NHSL2: variants seen among roughly 807,000 people sequenced by gnomAD.
NHSL2 encodes NHS like 2, also known as NHS-like protein 2.
Under a neutral mutation model 53.4 loss-of-function variants are expected in NHSL2, and 27 were observed. The observed-to-expected ratio is 0.51, with a 90% CI of 0.37 to 0.70. NHSL2 has a LOEUF of 0.70. NHSL2 is among the 30% of genes least tolerant of loss of function. NHSL2 has a pLI of 0.00. For synonymous variants in NHSL2, 408 were observed against 404.1 expected, an observed-to-expected ratio of 1.01 and a Z score of -0.12; for missense variants, 892 against 980.1, an observed-to-expected ratio of 0.91 and a Z score of 1.20.
At chrX:71,959,336 G>A (rs907911011) in intron 1 of NHSL2, among the ~76,000 whole-genome samples, 1 of 111,964 alleles carries the variant, frequency 8.9e-6, no homozygotes, top group Non-Finnish European at 1.9e-5. Flanking sequence ...CAAATTTATC[G>A]TATGAATATT....
chrX:72,029,597 C>A (rs2042204008), intron 1 of NHSL2, among the ~76,000 whole-genome samples: 1 of 112,966 alleles, frequency 8.9e-6, no homozygotes. Flanking sequence ...AGCTCAACTG[C>A]CCACTCCTGC....
chrX:72,108,287 C>G, intron 1 of NHSL2, among the ~76,000 whole-genome samples: 1 of 112,484 alleles, frequency 8.9e-6, no homozygotes, highest in Non-Finnish European at 1.9e-5. Flanking sequence ...TAACTCACCC[C>G]AGCCTCAAAG....
chrX:71,958,772 G>A (rs1489049175), intron 1 of NHSL2, among the ~76,000 whole-genome samples: 1 of 112,239 alleles, frequency 8.9e-6, no homozygotes, highest in Non-Finnish European at 1.9e-5. Flanking sequence ...ACAAGATATT[G>A]GATTCATTTC....
chrX:72,009,947 A>C (rs906947245), intron 1 of NHSL2, among the ~76,000 whole-genome samples: 1 of 113,101 alleles, frequency 8.8e-6, no homozygotes, highest in Non-Finnish European at 1.9e-5. Flanking sequence ...GTTGTTACTC[A>C]TTCCTGCTGT....
intron 1 of NHSL2, among the ~76,000 whole-genome samples, chrX:72,099,770 T>C (rs2041976287): frequency 8.9e-6 from 1 of 112,569 alleles, no homozygotes; most frequent in Non-Finnish European, 1.9e-5. Context: ...TCAAAAATAG[T>C]GTCTTACAAT....
intron 1 of NHSL2, among the ~76,000 whole-genome samples, chrX:72,085,815 CCCTACTCCCTCCCTA>C (rs1447709311): frequency 2.8e-5 from 3 of 107,387 alleles, no homozygotes; most frequent in African/African-American, 1.0e-4. Flanking sequence ...TGCAGCTGCT[CCCTACTCCCTCCCTA>C]CCACCCGTAT....
At chrX:72,127,883 G>A (rs1490338544) in intron 1 of NHSL2, 1 of 112,666 alleles carries the variant, frequency 8.9e-6, no homozygotes, top group East Asian at 2.8e-4. Flanking sequence ...TCAAGAACTG[G>A]CAGGGTGATC....
In NHSL2 at chrX:72,134,171, C is replaced by T; in HGVS notation, c.517C>T (p.Pro173Ser). 1 of 1,167,725 alleles carries T rather than the reference C, an allele frequency of 8.6e-7. No homozygotes were observed. Among genetic ancestry groups the T allele is most frequent in the Non-Finnish European group, 1.1e-6 (1 of 872,459 alleles). The change falls in exon 3 of 8, where the codon CCC becomes TCC. Residue 173 changes from proline to serine, a missense_variant. Pro to Ser is a moderately conservative substitution (Grantham distance 74). Transcript: ENST00000633930. ...TTCTGATGAGGCCACTAAGCCCACC[C>T]CCAACCCAAGGCCCCAGTCTGCCAG... is the stretch of plus-strand genomic sequence containing the variant. ...RSSDEATKPT[P>S]NPRPQSARRL...
intron 1 of NHSL2, among the ~76,000 whole-genome samples, chrX:72,075,901 AGTGTGT>A (rs10637913): frequency 4.3e-5 from 4 of 93,367 alleles, no homozygotes; most frequent in African/African-American, 1.2e-4. Flanking sequence ...GGGGGAGCAC[AGTGTGT>A]GTGTGTGTGT....
intron 2 of NHSL2, 35 bp downstream of exon 2, chrX:72,132,269 A>T (rs758144845): frequency 1.3e-5 from 15 of 1,118,133 alleles, no homozygotes; most frequent in Admixed American, 2.9e-5. Context: ...GCCGGAGCCC[A>T]GAAGCGAGAT....
chrX:71,970,236 G>T (rs1313527857), intron 1 of NHSL2, among the ~76,000 whole-genome samples: 1 of 111,657 alleles, frequency 9.0e-6, no homozygotes, highest in African/African-American at 3.3e-5. Context: ...TCTGGCTTTG[G>T]TATCAGAATA....
chrX:72,141,963 T>C (rs1205721997), intron 6 of NHSL2, among the ~76,000 whole-genome samples: 2 of 111,603 alleles, frequency 1.8e-5, no homozygotes, highest in African/African-American at 6.5e-5. Context: ...ATACAGTGTT[T>C]AAAACAAGAG....
At chrX:72,119,007 C>T (rs908061674) in intron 1 of NHSL2, among the ~76,000 whole-genome samples, 2 of 111,263 alleles carry the variant, frequency 1.8e-5, no homozygotes, top group Admixed American at 1.9e-4. Context: ...GTTGTCCCAG[C>T]GCCACTTACT....
chrX:71,928,940 A>G (rs191991258), intron 1 of NHSL2, among the ~76,000 whole-genome samples: 14 of 112,052 alleles, frequency 1.2e-4, no homozygotes, highest in Middle Eastern at 9.2e-3. Flanking sequence ...TGAGTAGCAC[A>G]CAAATCTACT....
chrX:72,006,578 G>C (rs978022939), intron 1 of NHSL2, among the ~76,000 whole-genome samples: 13 of 112,377 alleles, frequency 1.2e-4, no homozygotes, highest in Non-Finnish European at 2.1e-4. Flanking sequence ...CTCCTCTCCA[G>C]CTCTCGCTCT....
chrX:72,050,949 C>T (rs1274883350), intron 1 of NHSL2, among the ~76,000 whole-genome samples: 1 of 110,625 alleles, frequency 9.0e-6, no homozygotes, highest in African/African-American at 3.3e-5. Context: ...CAGATGCCAC[C>T]GACGTCCCTG....
At chrX:72,105,060 A>G (rs182518814) in intron 1 of NHSL2, among the ~76,000 whole-genome samples, 76 of 111,674 alleles carry the variant, frequency 6.8e-4, no homozygotes, top group Non-Finnish European at 1.1e-3. Flanking sequence ...AGTTGATAAC[A>G]TGGGAAGCTC....
chrX:72,081,158 G>A (rs1345738025), intron 1 of NHSL2, among the ~76,000 whole-genome samples: 1 of 112,455 alleles, frequency 8.9e-6, no homozygotes, highest in Non-Finnish European at 1.9e-5. Context: ...CAAAACCGAA[G>A]TCCCATGAGG....
At chrX:71,916,786 G>A (rs1164011639) in intron 1 of NHSL2, among the ~76,000 whole-genome samples, 1 of 112,704 alleles carries the variant, frequency 8.9e-6, no homozygotes. Context: ...TAGTGTTATT[G>A]TGAATTTAGC....
Sources: allele counts gnomAD v4.1 joint callset (sites outside exome capture counted in the v4.1 genomes callset), GRCh38; gene constraint gnomAD v4.1.1; transcripts MANE v1.5; gene names NCBI Gene and HGNC (gene_info 2026-07-23, HGNC 2026-07-21).